Variants in TSC22D3 observed in about 807,000 individuals in gnomAD.
TSC22D3 encodes the protein TSC22 domain family member 3.
Under a neutral mutation model 11.1 loss-of-function variants are expected in TSC22D3, and 4 were observed. The observed-to-expected ratio is 0.36, with a 90% CI of 0.18 to 0.83. TSC22D3 has a LOEUF of 0.83. Ranked by LOEUF, TSC22D3 falls within the 40% of genes least tolerant of loss-of-function variation. The probability of loss-of-function intolerance (pLI) is 0.48; values close to 1 mark genes in which losing one functional copy is unlikely to be tolerated. For missense variants in TSC22D3, 118 were observed against 159.4 expected, an observed-to-expected ratio of 0.74 and a Z score of 1.40; for synonymous variants, 77 against 70.3, an observed-to-expected ratio of 1.10 and a Z score of -0.48.
chrX:107,735,165 A>G (rs1335111481), intron 1 of TSC22D3, among the ~76,000 whole-genome samples: 3 of 108,458 alleles, frequency 2.8e-5, no homozygotes, highest in African/African-American at 1.0e-4. Context: ...TTTTCACTCC[A>G]TTTTTTCTCC....
chrX:107,768,573 G>A (rs930873335), intron 1 of TSC22D3, among the ~76,000 whole-genome samples: 3 of 112,185 alleles, frequency 2.7e-5, no homozygotes, highest in Non-Finnish European at 5.6e-5. Flanking sequence ...TTAAGAGCAT[G>A]AACTTTCCAA....
intron 1 of TSC22D3, among the ~76,000 whole-genome samples, chrX:107,766,293 G>C (rs986117968): frequency 1.8e-5 from 2 of 111,965 alleles, no homozygotes; most frequent in Non-Finnish European, 3.8e-5. Flanking sequence ...AATAGGCCAG[G>C]CAGAGAGCTA....
intron 1 of TSC22D3, among the ~76,000 whole-genome samples, chrX:107,720,619 C>T (rs754707715): frequency 1.0e-3 from 114 of 111,100 alleles, no homozygotes; most frequent in Non-Finnish European, 1.9e-3. Flanking sequence ...CTTGAACCCG[C>T]GAGGCGGAGG....
chrX:107,748,730 C>T (rs1373813595), intron 1 of TSC22D3, among the ~76,000 whole-genome samples: 1 of 112,276 alleles, frequency 8.9e-6, no homozygotes, highest in Non-Finnish European at 1.9e-5. Flanking sequence ...ATGTAAATAA[C>T]AGCCCCTGCC....
intron 1 of TSC22D3, among the ~76,000 whole-genome samples, chrX:107,754,207 C>T (rs1468741622): frequency 1.8e-5 from 2 of 110,914 alleles, no homozygotes; most frequent in Middle Eastern, 4.2e-3. Flanking sequence ...CGTGAGCCAC[C>T]GCGCCTGGCC....
intron 1 of TSC22D3, among the ~76,000 whole-genome samples, chrX:107,729,335 T>C (rs1347092401): frequency 1.8e-5 from 2 of 111,429 alleles, no homozygotes; most frequent in African/African-American, 6.5e-5. Flanking sequence ...CCTGGGGTAA[T>C]TTCTTTTTAC....
chrX:107,715,688 A>G, intron 2 of TSC22D3: 6 of 470,228 alleles, frequency 1.3e-5, no homozygotes, highest in South Asian at 1.1e-4. Flanking sequence ...GGAGGGAGGA[A>G]GAAAGGAGGG....
intron 1 of TSC22D3, among the ~76,000 whole-genome samples, chrX:107,763,262 C>T (rs1929522039): frequency 9.0e-6 from 1 of 111,634 alleles, no homozygotes; most frequent in Non-Finnish European, 1.9e-5. Flanking sequence ...TTTAGCTTTG[C>T]ACCACAGGTC....
chrX:107,713,864 A>G lies in TSC22D3; in HGVS notation c.*655T>C, dbSNP rs1926864171. The G allele has an allele frequency of 8.8e-6, 1 of 113,092 alleles. No homozygotes were observed. Among genetic ancestry groups the G allele is most frequent in the Admixed American group, 9.3e-5 (1 of 10,710 alleles). The allele number at this position is 113,092 out of a possible 1,213,427, so 9.3% of individuals were successfully genotyped here. A position where few individuals can be genotyped will look rare whatever the true frequency, so the allele number is the denominator to read the frequency against. On this transcript the variant is annotated 3_prime_UTR_variant, in exon 3 of 3. Coordinates refer to ENST00000372383, the MANE Select transcript of TSC22D3 (RefSeq NM_198057.3). ...TACACTAAGATACAGATCTAGCCCT[A>G]TGGGTATATATACGCATTTATGGCT...
At chrX:107,748,999 C>T (rs1198523108) in intron 1 of TSC22D3, among the ~76,000 whole-genome samples, 1 of 111,078 alleles carries the variant, frequency 9.0e-6, no homozygotes, top group Admixed American at 9.6e-5. Flanking sequence ...CCTACTGGAC[C>T]CCGTCTGCTA....
At position 107,775,222 on chromosome X, in the gene TSC22D3, G is replaced by A; in HGVS notation, c.198C>T (p.Asn66=). The change falls in exon 1 of 3, where the codon AAC becomes AAT. Residue 66 remains asparagine, a synonymous_variant. Coordinates refer to ENST00000372383, the MANE Select transcript of TSC22D3 (RefSeq NM_198057.3). ...CTAGCGAATCCTGCCGCATTATGCT[G>A]TTGAGCTTGTCGGTATTGAGGTTCT... ...VFENLNTDKL[N]SIMRQDSLEP... 8.2e-7 allele frequency: 1 copy of A among 1,212,199 alleles called. No individual in the cohort carries two copies.
At chrX:107,716,347 G>C in intron 1 of TSC22D3, 2 of 913,913 alleles carry the variant, frequency 2.2e-6, no homozygotes, top group Non-Finnish European at 1.3e-6. Context: ...ATTCCTTCTC[G>C]GCTGGTAAGC....
chrX:107,754,630 A>G (rs897179782), intron 1 of TSC22D3, among the ~76,000 whole-genome samples: 2 of 112,266 alleles, frequency 1.8e-5, no homozygotes, highest in Non-Finnish European at 3.8e-5. Context: ...TCATTAAGGA[A>G]CAAGCATGAC....
intron 1 of TSC22D3, among the ~76,000 whole-genome samples, chrX:107,753,577 C>T (rs1397326127): frequency 1.8e-5 from 2 of 111,543 alleles, no homozygotes; most frequent in Admixed American, 1.9e-4. Context: ...CTGGTAACTC[C>T]TTGGATCTGT....
intron 1 of TSC22D3, chrX:107,716,839 G>A (rs778873904): frequency 2.5e-6 from 3 of 1,205,153 alleles, no homozygotes; most frequent in South Asian, 3.5e-5. Context: ...AGCTCTGGCC[G>A]GGTTTCGTGC....
chrX:107,714,567 A>G lies in TSC22D3; in HGVS notation c.555T>C (p.Ala185=). The G allele has an allele frequency of 6.6e-6, 8 of 1,211,480 alleles. No homozygotes were observed. Among genetic ancestry groups the G allele is most frequent in the Non-Finnish European group, 8.9e-6 (8 of 895,407 alleles). The change falls in exon 3 of 3, where the codon GCT becomes GCC. Residue 185 remains alanine (A), a synonymous_variant. Transcript: ENST00000372383. The part of the protein sequence containing the change: ...FQSCLSPEEP[A]PESPQVPEAP... ...CCTCGGGCACTTGTGGGGATTCGGG[A>G]GCTGGCTCTTCAGGGCTCAGACAGG...
In TSC22D3 at chrX:107,775,243, G is replaced by A. The variant is rs754223706; in HGVS notation, c.177C>T (p.Asn59=). ...TGCTGTTGAGCTTGTCGGTATTGAG[G>A]TTCTCAAAGACCAGCTTTTCCTGCA... ...RQLQEKLVFE[N]LNTDKLNSIM... is the part of the protein sequence containing the mutation. The change falls in exon 1 of 3, where the codon AAC becomes AAT. Residue 59 remains asparagine (N), a synonymous_variant. Transcript: ENST00000372383. The A allele has an allele frequency of 7.4e-6, 9 of 1,212,078 alleles. No individual in the cohort carries two copies. In the South Asian group the frequency reaches 1.4e-4, roughly 19 times the overall value.
intron 2 of TSC22D3, 78 bp downstream of exon 2, chrX:107,715,821 C>T (rs768986095): frequency 8.7e-7 from 1 of 1,148,019 alleles, no homozygotes; most frequent in Non-Finnish European, 1.2e-6. Context: ...CTTTTTCACC[C>T]ATTCCCTCAA....
At position 107,775,785 on chromosome X, in the gene TSC22D3, G is replaced by C. The variant is rs765926676; in HGVS notation, c.-366C>G. 2.9e-4 allele frequency: 38 copies of C among 129,260 alleles called. No homozygotes were observed. The highest frequency in any genetic ancestry group is 1.1e-3 in the African/African-American group (34 of 31,372). 10.7% of individuals were successfully genotyped at this position (129,260 alleles called of 1,213,427 possible). A position where few individuals can be genotyped will look rare whatever the true frequency, so the allele number is the denominator to read the frequency against. ...GAGCGGGGATTGGGGCGGACCTGTG[G>C]AGGCAGGAAGGGCGGGCAGCAGGGC... On this transcript the variant is annotated 5_prime_UTR_variant, in exon 1 of 3. Coordinates refer to ENST00000372383, the MANE Select transcript of TSC22D3 (RefSeq NM_198057.3).
Sources: allele counts gnomAD v4.1 joint callset (sites outside exome capture counted in the v4.1 genomes callset), GRCh38; gene constraint gnomAD v4.1.1; transcripts MANE v1.5; gene names NCBI Gene and HGNC (gene_info 2026-07-23, HGNC 2026-07-21).